The following PPFIA2 variants were observed in gnomAD, a reference collection of about 807,000 sequenced individuals.
PPFIA2 encodes liprin-alpha-2.
Under a neutral mutation model 175.5 loss-of-function variants are expected in PPFIA2, and 46 were observed. The observed-to-expected ratio is 0.26, with a 90% CI of 0.21 to 0.34. The LOEUF (loss-of-function observed/expected upper bound fraction) is 0.34, where lower values mean the gene tolerates loss of function less well. Ranked by LOEUF, PPFIA2 falls within the 10% of genes least tolerant of loss-of-function variation. The pLI is 1.00. For synonymous variants in PPFIA2, 568 were observed against 511.4 expected, an observed-to-expected ratio of 1.11 and a Z score of -1.49; for missense variants, 1,179 against 1,506.1, an observed-to-expected ratio of 0.78 and a Z score of 3.60.
chr12:81,276,886 T>A (rs888961362), intron 28 of PPFIA2, among the ~76,000 whole-genome samples: 2 of 151,970 alleles, frequency 1.3e-5, no homozygotes, highest in Non-Finnish European at 2.9e-5. Context: ...AACTATACAG[T>A]GTTACAAAAA....
chr12:81,458,263 C>G (rs539127986), intron 4 of PPFIA2, among the ~76,000 whole-genome samples: 15 of 151,656 alleles, frequency 9.9e-5, no homozygotes, highest in Non-Finnish European at 1.9e-4. Flanking sequence ...TCAGAACAAC[C>G]GCAAAAAACC....
chr12:81,663,988 T>C (rs1364384561), intron 4 of PPFIA2, among the ~76,000 whole-genome samples: 1 of 152,082 alleles, frequency 6.6e-6, no homozygotes, highest in Non-Finnish European at 1.5e-5. Context: ...CTAACCATAC[T>C]TAGAAAGCTG....
At chr12:81,418,094 T>C (rs777413134) in intron 7 of PPFIA2, among the ~76,000 whole-genome samples, 12 of 151,882 alleles carry the variant, frequency 7.9e-5, no homozygotes, top group Non-Finnish European at 1.6e-4. Flanking sequence ...ATTATTATGG[T>C]TCAGCCAATT....
chr12:81,477,769 G>A (rs2057667100), intron 4 of PPFIA2, among the ~76,000 whole-genome samples: 1 of 152,126 alleles, frequency 6.6e-6, no homozygotes, highest in East Asian at 1.9e-4. Context: ...GATCGTGGTG[G>A]ATAAGCTTTT....
chr12:81,475,308 T>G (rs1177198337), intron 4 of PPFIA2, among the ~76,000 whole-genome samples: 1 of 152,188 alleles, frequency 6.6e-6, no homozygotes, highest in African/African-American at 2.4e-5. Flanking sequence ...TGCAGATTAG[T>G]AAGCATTTTT....
At chr12:81,393,656 A>T (rs1199965540) in intron 8 of PPFIA2, among the ~76,000 whole-genome samples, 1 of 152,048 alleles carries the variant, frequency 6.6e-6, no homozygotes, top group Non-Finnish European at 1.5e-5. Context: ...ATTCTCTGGT[A>T]GACTGACAAT....
intron 8 of PPFIA2, among the ~76,000 whole-genome samples, chr12:81,392,772 T>C (rs1195426062): frequency 6.6e-6 from 1 of 151,988 alleles, no homozygotes; most frequent in African/African-American, 2.4e-5. Flanking sequence ...GTTCAGAACG[T>C]GCTTCTCCCC....
chr12:81,484,761 A>G (rs964657088), intron 4 of PPFIA2, among the ~76,000 whole-genome samples: 1 of 151,976 alleles, frequency 6.6e-6, no homozygotes, highest in African/African-American at 2.4e-5. Flanking sequence ...TTTCATTAAA[A>G]TAAAAATAGC....
In PPFIA2 at chr12:81,480,454, T is replaced by C. The variant is rs1014652314; in HGVS notation, c.304-22588A>G. Among the ~76,000 whole-genome samples the C allele has an allele frequency of 8.3e-4, 126 of 152,326 alleles. 1 individual carries two copies. Among genetic ancestry groups the C allele is most frequent in the Non-Finnish European group, 1.3e-4 (9 of 68,028 alleles). ...TATCTGTCCAGTTTTATTCCCTTGC[T>C]GGTAAGGAGCTGTGATCCTTTGGAG... On this transcript the variant is annotated intron_variant, in intron 4 of 32. Coordinates refer to ENST00000549396, the MANE Select transcript of PPFIA2 (RefSeq NM_003625.5).
At chr12:81,543,105 T>C (rs919742066) in intron 4 of PPFIA2, among the ~76,000 whole-genome samples, 2 of 152,130 alleles carry the variant, frequency 1.3e-5, no homozygotes, top group Non-Finnish European at 2.9e-5. Context: ...CTGTTTAAAT[T>C]TGCCAGGCAC....
chr12:81,598,955 C>T (rs1368841002), intron 4 of PPFIA2, among the ~76,000 whole-genome samples: 1 of 151,908 alleles, frequency 6.6e-6, no homozygotes, highest in Non-Finnish European at 1.5e-5. Context: ...TACATATATA[C>T]ACACAAGAAT....
chr12:81,275,671 G>T (rs2040320502), intron 28 of PPFIA2, among the ~76,000 whole-genome samples: 1 of 151,898 alleles, frequency 6.6e-6, no homozygotes, highest in African/African-American at 2.4e-5. Flanking sequence ...TGTAATGCTT[G>T]CACATATCAA....
intron 4 of PPFIA2, among the ~76,000 whole-genome samples, chr12:81,576,598 C>T (rs1319154183): frequency 1.3e-5 from 2 of 151,650 alleles, no homozygotes; most frequent in African/African-American, 2.4e-5. Flanking sequence ...TTACTCTTAC[C>T]ATGAGTTTAT....
intron 23 of PPFIA2, chr12:81,298,156 T>C (rs1289953430): frequency 6.6e-6 from 1 of 152,174 alleles, no homozygotes; most frequent in Non-Finnish European, 1.5e-5. Flanking sequence ...ACTGCTATCA[T>C]TTCTGAGGTG....
intron 3 of PPFIA2, among the ~76,000 whole-genome samples, chr12:81,689,124 T>A (rs77043464): frequency 6.7e-6 from 1 of 149,878 alleles, no homozygotes; most frequent in South Asian, 2.1e-4. Flanking sequence ...ATCTTAAATT[T>A]AAAAAAAAAC....
chr12:81,673,732 A>C (rs1693405751), intron 4 of PPFIA2, among the ~76,000 whole-genome samples: 1 of 152,010 alleles, frequency 6.6e-6, no homozygotes, highest in Non-Finnish European at 1.5e-5. Context: ...TTATTTTCTA[A>C]AATAATTATG....
intron 4 of PPFIA2, 164 bp downstream of exon 4, chr12:81,676,627 C>A: frequency 2.4e-6 from 1 of 417,680 alleles, no homozygotes; most frequent in Non-Finnish European, 4.2e-6. Flanking sequence ...AACACCAGCC[C>A]ACACCTCAAA....
intron 9 of PPFIA2, among the ~76,000 whole-genome samples, chr12:81,382,384 A>G (rs1043456470): frequency 1.3e-5 from 2 of 152,120 alleles, no homozygotes; most frequent in African/African-American, 4.8e-5. Flanking sequence ...TTTTAAGCAG[A>G]AAAGTGACAT....
chr12:81,341,200 A>C lies in PPFIA2; in HGVS notation c.2271T>G (p.Val757=). ...DLRKHRRKIA[V]VEEDGREDKA... ...TGTCCTCTCGACCATCTTCTTCCAC[A>C]ACTGCAATCTAGAAGCAAAAACAAT... The change falls in exon 20 of 33, where the codon GTT becomes GTG. Residue 757 remains valine, a synonymous_variant. Transcript: ENST00000549396. 6.2e-7 allele frequency: 1 copy of C among 1,611,424 alleles called. No individual in the cohort carries two copies. Among genetic ancestry groups the C allele is most frequent in the South Asian group, 1.1e-5 (1 of 90,924 alleles).
Sources: allele counts gnomAD v4.1 joint callset (sites outside exome capture counted in the v4.1 genomes callset), GRCh38; gene constraint gnomAD v4.1.1; transcripts MANE v1.5; gene names NCBI Gene and HGNC (gene_info 2026-07-23, HGNC 2026-07-21).